The following POLH variants were observed in gnomAD, a reference collection of about 807,000 sequenced individuals.
POLH encodes the protein DNA polymerase eta, also known as DNA polymerase eta transcript.
POLH carries 53 observed loss-of-function variants against 73.6 expected under a neutral mutation model. The observed-to-expected ratio is 0.72, with a 90% CI of 0.58 to 0.91. POLH has a LOEUF of 0.91. POLH is among the 40% of genes least tolerant of loss of function. POLH has a pLI of 0.00. For missense variants in POLH, 768 were observed against 865.4 expected (o/e 0.89, Z 1.41); for synonymous variants, 292 against 308.5 (o/e 0.95, Z 0.56).
intron 8 of POLH, among the ~76,000 whole-genome samples, 176 bp downstream of exon 8, chr6:43,604,914 C>G (rs567355538): frequency 2.0e-4 from 30 of 152,236 alleles, no homozygotes; most frequent in Non-Finnish European, 4.0e-4. Flanking sequence ...TTTTCTCTTT[C>G]GTCTATCGAA....
intron 4 of POLH, among the ~76,000 whole-genome samples, chr6:43,592,350 C>T (rs1353741716): frequency 1.3e-5 from 2 of 151,788 alleles, no homozygotes; most frequent in African/African-American, 4.8e-5. Context: ...ATCTTGCCTC[C>T]TATAAGAGCT....
Position 43,614,348 on chromosome 6 carries a change from T to A in POLH, c.1933T>A (p.Trp645Arg). The part of the protein sequence containing the change: ...CEKCGSLVPV[W>R]DMPEHMDYHF... ...GAAGTGTGGCTCCCTGGTACCGGTA[T>A]GGGATATGCCAGAACACATGGACTA... Residue 645 changes from tryptophan (W) to arginine (R), a missense_variant, in exon 11 of 11, where the codon TGG becomes AGG. Coordinates refer to ENST00000372236, the MANE Select transcript of POLH (RefSeq NM_006502.3). 6.2e-7 allele frequency: 1 copy of A among 1,610,452 alleles called. No homozygotes were observed.
intron 4 of POLH, chr6:43,588,350 T>G (rs1337869469): frequency 2.2e-5 from 3 of 135,912 alleles, no homozygotes; most frequent in Admixed American, 1.5e-4. Context: ...ATGTCTGTCT[T>G]TCCTTCCTTC....
At chr6:43,600,909 G>A in intron 5 of POLH, 79 bp from the exon 6 acceptor site, 1 of 857,776 alleles carries the variant, frequency 1.2e-6, no homozygotes, top group Non-Finnish European at 2.0e-6. Context: ...CTGTGTGTGT[G>A]TATGTTATGT....
chr6:43,619,364 CAAAAAAA>C lies in POLH; in HGVS notation c.*4831_*4837del, dbSNP rs60046548. On this transcript the variant is annotated 3_prime_UTR_variant, in exon 11 of 11. Transcript: ENST00000372236. ...TGGGTGACAGTCTGAGACCCTGTCTCAAAAAAAAAAAAAAAAAAAAAAAAAAAAAAGA... is the reference window on the plus strand; with the variant it reads ...TGGGTGACAGTCTGAGACCCTGTCTCAAAAAAAAAAAAAAAAAAAAAAAGA... Among the ~76,000 whole-genome samples, 36 of 37,084 alleles carry C rather than the reference CAAAAAAA, an allele frequency of 9.7e-4. No individual in the cohort carries two copies. Among genetic ancestry groups the C allele is most frequent in the Admixed American group, 5.5e-3 (15 of 2,746 alleles). 24.3% of individuals were successfully genotyped at this position (37,084 alleles called of 152,430 possible).
In POLH at chr6:43,616,121, C is replaced by G. The variant is rs1392909182; in HGVS notation, c.*1564C>G. On this transcript the variant is annotated 3_prime_UTR_variant, in exon 11 of 11. Coordinates refer to ENST00000372236, the MANE Select transcript of POLH (RefSeq NM_006502.3). Reference sequence around the variant, plus strand: ...GAAACCCCGTCTCTACTAAAAAATACAAAAAAAAATTAGCCGGGTGCGGTG... The same window carrying G: ...GAAACCCCGTCTCTACTAAAAAATAGAAAAAAAAATTAGCCGGGTGCGGTG... Among the ~76,000 whole-genome samples, 1 of 149,390 alleles carries G rather than the reference C, an allele frequency of 6.7e-6. No homozygotes were observed. The highest frequency in any genetic ancestry group is 2.0e-4 in the East Asian group (1 of 5,040).
At position 43,617,579 on chromosome 6, in the gene POLH, A is replaced by T. The variant is rs545966780; in HGVS notation, c.*3022A>T. Among the ~76,000 whole-genome samples, 82 of 151,412 alleles carry T rather than the reference A, an allele frequency of 5.4e-4. No homozygotes were observed. The highest frequency in any genetic ancestry group is 1.9e-3 in the African/African-American group (79 of 41,208). ...GAGGCAGAGGTTGTAGTGAGCTGAG[A>T]TTGTGCCACTGCACTCCAGTCTGGG... On this transcript the variant is annotated 3_prime_UTR_variant, in exon 11 of 11. Transcript: ENST00000372236.
intron 4 of POLH, chr6:43,588,704 TG>T (rs1765112796): frequency 6.6e-6 from 1 of 152,192 alleles, no homozygotes; most frequent in South Asian, 2.1e-4. Context: ...CCACCTGCCT[TG>T]GCCTCCCAAA....
rs1582333889 is a variant in POLH at position 43,618,591 on chromosome 6, G to A, written c.*4034G>A. Reference sequence around the variant, plus strand: ...AAGTAGGTGGCGCTGGGTGAAGTGGGCCCAGAGAATGGTGTACACATCCCT... The same window carrying A: ...AAGTAGGTGGCGCTGGGTGAAGTGGACCCAGAGAATGGTGTACACATCCCT... On this transcript the variant is annotated 3_prime_UTR_variant, in exon 11 of 11. Transcript: ENST00000372236. 6.6e-6 allele frequency among the ~76,000 whole-genome samples: 1 copy of A among 152,146 alleles called. No homozygotes were observed. The highest frequency in any genetic ancestry group is 2.1e-4 in the South Asian group (1 of 4,824).
At chr6:43,598,436 G>A (rs574219245) in intron 5 of POLH, among the ~76,000 whole-genome samples, 34 of 150,798 alleles carry the variant, frequency 2.3e-4, no homozygotes, top group Non-Finnish European at 4.0e-4. Context: ...AGACCAGCCT[G>A]ACCAATATGG....
At chr6:43,586,755 G>A (rs879601898) in intron 3 of POLH, among the ~76,000 whole-genome samples, 3 of 152,178 alleles carry the variant, frequency 2.0e-5, no homozygotes, top group Admixed American at 6.5e-5. Context: ...CAAACTCACC[G>A]TTGACTGAAG....
intron 5 of POLH, among the ~76,000 whole-genome samples, chr6:43,600,345 T>G (rs1376623675): frequency 6.6e-6 from 1 of 150,830 alleles, no homozygotes; most frequent in Admixed American, 6.6e-5. Flanking sequence ...GTGAACCCGG[T>G]GCGGGGGCGG....
chr6:43,609,723 G>T (rs1767677684), intron 9 of POLH, among the ~76,000 whole-genome samples: 1 of 152,180 alleles, frequency 6.6e-6, no homozygotes, highest in Admixed American at 6.6e-5. Context: ...CAGAAAAAAA[G>T]ATATGACTTG....
At chr6:43,609,841 C>A (rs1300215207) in intron 9 of POLH, among the ~76,000 whole-genome samples, 1 of 152,082 alleles carries the variant, frequency 6.6e-6, no homozygotes, top group Non-Finnish European at 1.5e-5. Context: ...CCTGCTTAGA[C>A]ACCATGAAAA....
At chr6:43,590,561 C>A (rs1038233884) in intron 4 of POLH, among the ~76,000 whole-genome samples, 2 of 150,628 alleles carry the variant, frequency 1.3e-5, no homozygotes, top group Non-Finnish European at 3.0e-5. Context: ...AGAATGAGGT[C>A]TTTTTTTTAA....
At chr6:43,581,614 C>T (rs1269559912) in intron 1 of POLH, among the ~76,000 whole-genome samples, 4 of 147,184 alleles carry the variant, frequency 2.7e-5, no homozygotes, top group African/African-American at 2.6e-5. Flanking sequence ...CGGCGCTCGC[C>T]GGCGCGGCGG....
At chr6:43,579,619 G>A (rs1361627982) in intron 1 of POLH, among the ~76,000 whole-genome samples, 1 of 152,170 alleles carries the variant, frequency 6.6e-6, no homozygotes, top group Admixed American at 6.5e-5. Flanking sequence ...CCCAAAGAGG[G>A]GCTCATGAGA....
At chr6:43,590,143 G>A (rs914885886) in intron 4 of POLH, among the ~76,000 whole-genome samples, 1 of 151,714 alleles carries the variant, frequency 6.6e-6, no homozygotes, top group South Asian at 2.1e-4. Context: ...TGGATCATGA[G>A]GTCAGGAGTT....
At chr6:43,582,244 A>G in intron 1 of POLH, 72 bp from the exon 2 acceptor site, 1 of 1,385,962 alleles carries the variant, frequency 7.2e-7, no homozygotes, top group South Asian at 1.2e-5. Flanking sequence ...CAGTGAAAGA[A>G]TGGAATTACA....
Sources: gnomAD v4.1 joint callset for allele counts (sites outside exome capture counted in the v4.1 genomes callset) on GRCh38, gnomAD v4.1.1 for gene constraint, MANE v1.5 for transcripts, NCBI Gene and HGNC (gene_info 2026-07-23, HGNC 2026-07-21) for gene names.